SETD1B: variants seen among roughly 807,000 people sequenced by gnomAD.
SETD1B encodes the protein histone-lysine N-methyltransferase SETD1B.
A neutral mutation model predicts 148.0 loss-of-function variants in SETD1B; 7 were observed. That is an observed-to-expected ratio of 0.05 (90% CI 0.03 to 0.09). SETD1B has a LOEUF of 0.09. Ranked by LOEUF, SETD1B falls within the 10% of genes least tolerant of loss-of-function variation. The pLI, the probability that SETD1B is intolerant of heterozygous loss-of-function variation, is 1.00. For missense variants in SETD1B, 2,155 were observed against 2,729.9 expected (o/e 0.79, Z 4.69); for synonymous variants, 1,361 against 1,186.5 (o/e 1.15, Z -3.02).
At chr12:121,800,843 C>T (rs1001446776), upstream of SETD1B, 1 of 151,416 alleles carries the variant, frequency 6.6e-6, no homozygotes, top group African/African-American at 2.4e-5. Context: ...CTCTCGGGGC[C>T]CGACCTGGCC....
chr12:121,807,077 T>C (rs1371702762), intron 4 of SETD1B, among the ~76,000 whole-genome samples: 1 of 152,262 alleles, frequency 6.6e-6, no homozygotes. Flanking sequence ...CAGGGACAAC[T>C]GGGACACACC....
At chr12:121,826,736 G>T (rs1876859461) in intron 13 of SETD1B, among the ~76,000 whole-genome samples, 1 of 152,096 alleles carries the variant, frequency 6.6e-6, no homozygotes, top group African/African-American at 2.4e-5. Flanking sequence ...GACTTAGCTG[G>T]GCCGCGAGGA....
chr12:121,828,942 T>G (rs1876967276), intron 16 of SETD1B, among the ~76,000 whole-genome samples: 1 of 152,208 alleles, frequency 6.6e-6, no homozygotes, highest in Non-Finnish European at 1.5e-5. Flanking sequence ...GGGACTTTCC[T>G]GTGAATATCC....
At chr12:121,818,430 G>A (rs1876403291) in intron 10 of SETD1B, among the ~76,000 whole-genome samples, 1 of 151,924 alleles carries the variant, frequency 6.6e-6, no homozygotes, top group African/African-American at 2.4e-5. Context: ...AGGCGTGGTG[G>A]TGGGCACCTG....
chr12:121,827,131 G>A (rs965352537), intron 13 of SETD1B, among the ~76,000 whole-genome samples: 12 of 152,082 alleles, frequency 7.9e-5, no homozygotes, highest in Non-Finnish European at 1.8e-4. Context: ...AAGGTTAATG[G>A]CTGGGGCAGA....
At position 121,832,177 on chromosome 12, in the gene SETD1B, G is replaced by C. The variant is rs921578866; in HGVS notation, c.*1938G>C. 2.0e-5 allele frequency: 3 copies of C among 152,194 alleles called. No individual in the cohort carries two copies. Among genetic ancestry groups the C allele is most frequent in the Admixed American group, 6.6e-5 (1 of 15,246 alleles). 9.4% of individuals were successfully genotyped at this position (152,194 alleles called of 1,614,324 possible). A position where few individuals can be genotyped will look rare whatever the true frequency, so the allele number is the denominator to read the frequency against. On this transcript the variant is annotated 3_prime_UTR_variant, in exon 17 of 17. Transcript: ENST00000604567. ...GTCCCCTTCCCATAAAAGAAGTGGG[G>C]GTGTTCGAGAAGACCAGGGAAGGGA...
Position 121,825,341 on chromosome 12 carries a change from C to G in SETD1B, c.5312C>G (p.Thr1771Ser), listed in dbSNP as rs1452392093. The G allele has an allele frequency of 7.7e-6, 12 of 1,550,958 alleles. No homozygotes were observed. Among genetic ancestry groups the G allele is most frequent in the Non-Finnish European group, 1.0e-5 (12 of 1,147,038 alleles). ...TACCTCAACAGCAGCCGTGCCAGCA[C>G]CGATGAGCCCCCCGCAGACACCCAG... ...LRYLNSSRAS[T>S]DEPPADTQGM... Residue 1771 changes from threonine to serine, a missense_variant, in exon 13 of 17, where the codon ACC becomes AGC. By Grantham distance (58) the Thr-to-Ser change is moderately conservative. Around this residue, in one of 11 missense-constraint regions of SETD1B, gnomAD observed 96 missense variants for 148.7 expected, o/e 0.65. Transcript: ENST00000604567.
intron 13 of SETD1B, among the ~76,000 whole-genome samples, chr12:121,825,661 G>A (rs982177538): frequency 2.6e-5 from 4 of 151,816 alleles, no homozygotes; most frequent in African/African-American, 9.7e-5. Context: ...TTTTTTTAGG[G>A]GGGGACAAAG....
At chr12:121,806,588 C>T (rs1265800319) in intron 4 of SETD1B, among the ~76,000 whole-genome samples, 2 of 152,230 alleles carry the variant, frequency 1.3e-5, no homozygotes, top group Non-Finnish European at 2.9e-5. Flanking sequence ...GCCCCTTCCC[C>T]TCTGGAAGTG....
Position 121,828,086 on chromosome 12 carries a change from G to A in SETD1B, c.5727+16G>A. On this transcript the variant is annotated intron_variant, in intron 16 of 16. Coordinates refer to ENST00000604567, the MANE Select transcript of SETD1B (RefSeq NM_001353345.2). ...CAGCTGCAACGTGAGTGCCCAGCGG[G>A]GGGTGGCCCCTGCCCCTGCTCCTGC... The A allele has an allele frequency of 1.3e-6, 2 of 1,551,302 alleles. No homozygotes were observed. Among genetic ancestry groups the A allele is most frequent in the Non-Finnish European group, 1.7e-6 (2 of 1,146,874 alleles).
At position 121,823,405 on chromosome 12, in the gene SETD1B, T is replaced by C; in HGVS notation, c.4826T>C (p.Leu1609Pro). ...CCCACCAAGCTGCCCTTTAAGGAGC[T>C]AGACAACCAGTGGCCCTCCGAGGCC... ...VEPTKLPFKE[L>P]DNQWPSEAIP... The change falls in exon 12 of 17, where the codon CTA becomes CCA. Residue 1609 changes from leucine to proline, a missense_variant. Physicochemically the swap from Leu to Pro is moderately conservative, Grantham distance 98. Transcript: ENST00000604567. 7.4e-7 allele frequency: 1 copy of C among 1,350,044 alleles called. No homozygotes were observed. The highest frequency in any genetic ancestry group is 4.6e-5 in the East Asian group (1 of 21,546). The allele number at this position is 1,350,044 out of a possible 1,614,324, so 83.6% of individuals were successfully genotyped here.
rs1875960515 is a variant in SETD1B, at chr12:121,810,256, G to A, written c.1311G>A (p.Leu437=). The change falls in exon 6 of 17, where the codon CTG becomes CTA. Residue 437 remains leucine, a synonymous_variant. Coordinates refer to ENST00000604567, the MANE Select transcript of SETD1B (RefSeq NM_001353345.2). This position sits in a 1 kb window ranked among gnomAD's most constrained non-coding sequence, Gnocchi z 7.6. ...EFRRAPAPPP[L]PPAEPLAKEK... ...GGAGGGCACCGGCGCCCCCACCCCT[G>A]CCACCTGCTGAGCCTCTGGCCAAGG... The A allele has an allele frequency of 6.5e-7, 1 of 1,545,576 alleles. No homozygotes were observed. Among genetic ancestry groups the A allele is most frequent in the Non-Finnish European group, 8.7e-7 (1 of 1,146,766 alleles).
At chr12:121,802,360 T>TA (rs1405884776), upstream of SETD1B, 1 of 152,218 alleles carries the variant, frequency 6.6e-6, no homozygotes, top group Admixed American at 6.5e-5. Context: ...ACTTACAATG[T>TA]AAAAGGTTTT....
At chr12:121,811,052 G>A (rs1484685912) in intron 6 of SETD1B, among the ~76,000 whole-genome samples, 2 of 152,238 alleles carry the variant, frequency 1.3e-5, no homozygotes, top group East Asian at 3.8e-4. Flanking sequence ...CCTAGCAGCC[G>A]TGGAGAGAAG....
Position 121,823,028 on chromosome 12 carries a change from CTTGGCA to C in SETD1B, c.4453_4458del (p.Ala1485_Leu1486del). On this transcript the variant is annotated inframe_deletion, in exon 12 of 17. Transcript: ENST00000604567. The stretch of plus-strand genomic sequence containing the variant: ...CTCTGCCCCTTCCCCTGCCCTTGCC[CTTGGCA>C]TTGCCCGCCGTCTTGCGGGCCCAGG... 1 of 1,519,044 alleles carries C rather than the reference CTTGGCA, an allele frequency of 6.6e-7. No homozygotes were observed. The allele number at this position is 1,519,044 out of a possible 1,614,324, so 94.1% of individuals were successfully genotyped here.
At chr12:121,815,083 C>CT (rs2137562192) in intron 7 of SETD1B, among the ~76,000 whole-genome samples, 153 bp downstream of exon 7, 1 of 152,274 alleles carries the variant, frequency 6.6e-6, no homozygotes, top group East Asian at 1.9e-4. Context: ...TTCAAAGTTC[C>CT]GCAAACTGTG....
chr12:121,805,066 A>G lies in SETD1B; in HGVS notation c.175-52A>G, dbSNP rs561756354. ...AGTGCCTCGAGAAAGGGGTCTGCCC[A>G]TGGGGAGGGGGACCAGTTCTCTCAT... On this transcript the variant is annotated intron_variant, in intron 2 of 16. Coordinates refer to ENST00000604567, the MANE Select transcript of SETD1B (RefSeq NM_001353345.2). This position sits in a 1 kb window ranked among gnomAD's most constrained non-coding sequence, Gnocchi z 4.2. The G allele has an allele frequency of 4.6e-6, 7 of 1,527,858 alleles. No homozygotes were observed. In the East Asian group the frequency reaches 1.7e-4, roughly 38 times the overall value. The allele number at this position is 1,527,858 out of a possible 1,614,324, so 94.6% of individuals were successfully genotyped here. A position where few individuals can be genotyped will look rare whatever the true frequency, so the allele number is the denominator to read the frequency against.
chr12:121,802,276 G>A (rs905783109), upstream of SETD1B: 4 of 152,206 alleles, frequency 2.6e-5, no homozygotes, highest in African/African-American at 9.6e-5. Context: ...TGCAGATGAA[G>A]GTTCGGAAAA....
chr12:121,798,730 G>A, the SETD1B span, among the ~76,000 whole-genome samples: 1 of 152,204 alleles, frequency 6.6e-6, no homozygotes, highest in African/African-American at 2.4e-5. Flanking sequence ...CCAAATAGGG[G>A]AGGTGGTGTG....
Sources: allele counts gnomAD v4.1 joint callset (sites outside exome capture counted in the v4.1 genomes callset), GRCh38; gene constraint gnomAD v4.1.1; regional missense constraint gnomAD v4.1.1; non-coding constraint Gnocchi (gnomAD v3.1); transcripts MANE v1.5; gene names NCBI Gene and HGNC (gene_info 2026-07-23, HGNC 2026-07-21).